Variants in TCP11L1 observed in about 807,000 individuals in gnomAD.
TCP11L1 encodes the protein t-complex 11 like 1, also known as T-complex protein 11-like protein 1.
Under a neutral mutation model 48.9 loss-of-function variants are expected in TCP11L1, and 28 were observed. The ratio of observed to expected loss-of-function variants is 0.57; its 90% CI spans 0.42 to 0.78. The LOEUF (loss-of-function observed/expected upper bound fraction) is 0.78. Among genes scored for constraint, TCP11L1 ranks in the 30% least tolerant of loss-of-function variants. The pLI, the probability that TCP11L1 is intolerant of heterozygous loss-of-function variation, is 0.00. For synonymous variants in TCP11L1, 204 were observed against 231.9 expected (o/e 0.88, Z 1.09); for missense variants, 505 against 613.4 (o/e 0.82, Z 1.87).
At chr11:33,060,278 T>C (rs1372985570) in intron 6 of TCP11L1, among the ~76,000 whole-genome samples, 1 of 152,074 alleles carries the variant, frequency 6.6e-6, no homozygotes, top group Non-Finnish European at 1.5e-5. Flanking sequence ...GACTCACTGG[T>C]AGGGTGGAAG....
At chr11:33,064,756 A>G (rs543766293) in intron 7 of TCP11L1, among the ~76,000 whole-genome samples, 4 of 152,338 alleles carry the variant, frequency 2.6e-5, no homozygotes, top group South Asian at 2.1e-4. Flanking sequence ...CCTGCAAGGC[A>G]GTCCTCCCTT....
chr11:33,057,348 T>G, intron 4 of TCP11L1, 113 bp downstream of exon 4: 1 of 1,527,158 alleles, frequency 6.5e-7, no homozygotes, highest in Non-Finnish European at 8.9e-7. Flanking sequence ...GAAGTTAAAG[T>G]ACTTGCCAGA....
chr11:33,064,864 T>C (rs1590239261), intron 7 of TCP11L1, among the ~76,000 whole-genome samples: 1 of 152,216 alleles, frequency 6.6e-6, no homozygotes, highest in South Asian at 2.1e-4. Flanking sequence ...ATAATCGTAG[T>C]GCACTGCAGC....
chr11:33,058,206 CTT>C, intron 5 of TCP11L1, 67 bp downstream of exon 5: 5 of 1,253,718 alleles, frequency 4.0e-6, no homozygotes, highest in African/African-American at 1.6e-5. Context: ...TTTTTCTTTT[CTT>C]TTTTTTTTGA....
intron 3 of TCP11L1, 109 bp from the exon 4 acceptor site, chr11:33,057,006 C>T: frequency 6.9e-7 from 1 of 1,445,728 alleles, no homozygotes; most frequent in Non-Finnish European, 9.4e-7. Flanking sequence ...TGGTCCAAAT[C>T]ACTGGGATTG....
Position 33,057,922 on chromosome 11 carries a change from CTCTTA to C in TCP11L1, c.426_430del (p.Leu142PhefsTer8), listed in dbSNP as rs1854356397. 6 of 1,612,838 alleles carry C rather than the reference CTCTTA, an allele frequency of 3.7e-6. No homozygotes were observed. The highest frequency in any genetic ancestry group is 5.1e-6 in the Non-Finnish European group (6 of 1,179,742). On this transcript the variant is annotated frameshift_variant, in exon 5 of 10. Transcript: ENST00000334274. LOFTEE classifies it high-confidence loss of function. ...ACGTAGCTGTGTTCTCTTGTAGACT[CTCTTA>C]TCTTTCTTGCTGCCTGGTCATACTA...
Position 33,068,680 on chromosome 11 carries a change from G to A in TCP11L1, c.1155-7G>A. The A allele has an allele frequency of 1.9e-6, 3 of 1,613,312 alleles. No homozygotes were observed. The highest frequency in any genetic ancestry group is 2.5e-6 in the Non-Finnish European group (3 of 1,179,426). On this transcript the variant is annotated splice_region_variant and splice_polypyrimidine_tract_variant and intron_variant, in intron 8 of 9. Transcript: ENST00000334274. ...TTATAGGCCCTTTCTCCCCTCCTCT[G>A]CCCCAGCTCCTTCCATCTGAAGGAC...
chr11:33,067,658 C>T (rs1854655278), intron 8 of TCP11L1, among the ~76,000 whole-genome samples: 1 of 152,186 alleles, frequency 6.6e-6, no homozygotes, highest in Admixed American at 6.5e-5. Context: ...CCATATCCTC[C>T]CTGGTCCTCC....
At chr11:33,065,075 T>G (rs1256559950) in intron 7 of TCP11L1, among the ~76,000 whole-genome samples, 1 of 152,066 alleles carries the variant, frequency 6.6e-6, no homozygotes, top group African/African-American at 2.4e-5. Flanking sequence ...CTGGGAGGAG[T>G]TGGTGACCCT....
chr11:33,058,167 T>C, intron 5 of TCP11L1, 28 bp downstream of exon 5: 1 of 1,564,858 alleles, frequency 6.4e-7, no homozygotes, highest in Non-Finnish European at 8.6e-7. Context: ...TCATACTCCG[T>C]GCAACTACAA....
Position 33,043,832 on chromosome 11 carries a change from A to T in TCP11L1, c.59A>T (p.Asp20Val), listed in dbSNP as rs1358175153. ...VNEAGKSKSN[D>V]SEEGLEDAVE... is the part of the protein sequence containing the mutation. ...GAAGCAGGAAAATCAAAATCCAATGATTCTGAGGAAGGCCTCGAAGATGCT... is the reference window on the plus strand; with the variant it reads ...GAAGCAGGAAAATCAAAATCCAATGTTTCTGAGGAAGGCCTCGAAGATGCT... The change falls in exon 2 of 10, where the codon GAT becomes GTT. Residue 20 changes from aspartate (D) to valine (V), a missense_variant. Asp to Val is a radical substitution (Grantham distance 152). Around this residue, in one of 3 missense-constraint regions of TCP11L1, gnomAD observed 168 missense variants for 183.5 expected, o/e 0.92. Transcript: ENST00000334274. 1.2e-6 allele frequency: 2 copies of T among 1,613,948 alleles called. No individual in the cohort carries two copies.
chr11:33,045,352 CAA>C (rs59665470), intron 2 of TCP11L1, among the ~76,000 whole-genome samples: 40 of 115,834 alleles, frequency 3.5e-4, no homozygotes, highest in Admixed American at 2.8e-4. Flanking sequence ...GACCCTGTCT[CAA>C]AAAAAAAAAA....
rs1323794018 is a variant in TCP11L1, at chr11:33,057,169, T to G, written c.351T>G (p.Ser117Arg). The change falls in exon 4 of 10, where the codon AGT (serine) becomes AGG (arginine). Residue 117 changes from serine (S) to arginine (R), a missense_variant. By Grantham distance (110) the Ser-to-Arg change is moderately radical. Transcript: ENST00000334274. ...IVHKAFWDCL[S>R]VQLSEDPPAY... Reference sequence around the variant, plus strand: ...ATAAAGCGTTTTGGGATTGCTTGAGTGTGCAGCTAAGTGAAGATCCCCCAG... The same window carrying G: ...ATAAAGCGTTTTGGGATTGCTTGAGGGTGCAGCTAAGTGAAGATCCCCCAG... 1.9e-6 allele frequency: 3 copies of G among 1,613,866 alleles called. No homozygotes were observed. Among genetic ancestry groups the G allele is most frequent in the Non-Finnish European group, 2.5e-6 (3 of 1,180,006 alleles).
intron 2 of TCP11L1, among the ~76,000 whole-genome samples, chr11:33,052,424 A>G (rs988910897): frequency 1.3e-5 from 2 of 151,942 alleles, no homozygotes; most frequent in African/African-American, 4.8e-5. Flanking sequence ...TGACCAAATA[A>G]AGTTTTTTAC....
At chr11:33,070,103 C>T (rs1854734463) in intron 9 of TCP11L1, among the ~76,000 whole-genome samples, 1 of 151,834 alleles carries the variant, frequency 6.6e-6, no homozygotes, top group East Asian at 1.9e-4. Context: ...TAGTGAGACC[C>T]CATCTCTACA....
intron 6 of TCP11L1, 61 bp downstream of exon 6, chr11:33,059,156 T>C (rs1327924315): frequency 6.3e-7 from 1 of 1,585,832 alleles, no homozygotes; most frequent in Non-Finnish European, 8.6e-7. Flanking sequence ...TTAGCTGCCA[T>C]AGCTTGTTGC....
Position 33,072,867 on chromosome 11 carries a change from T to G in TCP11L1, c.*191T>G. On this transcript the variant is annotated 3_prime_UTR_variant, in exon 10 of 10. Transcript: ENST00000334274. ...TCCACTGAATTCTATTTTGAGAGAT[T>G]GTATTTATGAGTGCAAGTTTACAAA... 2 of 659,466 alleles carry G rather than the reference T, an allele frequency of 3.0e-6. No homozygotes were observed. The highest frequency in any genetic ancestry group is 5.1e-6 in the Non-Finnish European group (2 of 392,706). The allele number at this position is 659,466 out of a possible 1,614,324, so 40.9% of individuals were successfully genotyped here. A position where few individuals can be genotyped will look rare whatever the true frequency, so the allele number is the denominator to read the frequency against.
chr11:33,055,831 T>G (rs944830323), intron 3 of TCP11L1, among the ~76,000 whole-genome samples: 1 of 152,206 alleles, frequency 6.6e-6, no homozygotes, highest in African/African-American at 2.4e-5. Context: ...TTGTTGTTGT[T>G]TTTTGAGATG....
Position 33,065,926 on chromosome 11 carries a change from GC to G in TCP11L1, c.1070del (p.Ala357GlufsTer17). 2 of 1,614,218 alleles carry G rather than the reference GC, an allele frequency of 1.2e-6. No individual in the cohort carries two copies. Among genetic ancestry groups the G allele is most frequent in the Non-Finnish European group, 1.7e-6 (2 of 1,180,020 alleles). Reference protein sequence around the residue: ...GAVLLVTFSMAAPGISSQADF... With the variant: ...GAVLLVTFSMXAPGISSQADF... Reference sequence around the variant, plus strand: ...TGTGTTGCTGGTCACCTTCAGCATGGCAGCGCCAGGAATTTCCAGCCAGGCC... The same window carrying G: ...TGTGTTGCTGGTCACCTTCAGCATGGAGCGCCAGGAATTTCCAGCCAGGCC... On this transcript the variant is annotated frameshift_variant, in exon 8 of 10. Coordinates refer to ENST00000334274, the MANE Select transcript of TCP11L1 (RefSeq NM_018393.4). LOFTEE classifies it high-confidence loss of function.
Sources: allele counts gnomAD v4.1 joint callset (sites outside exome capture counted in the v4.1 genomes callset), GRCh38; gene constraint gnomAD v4.1.1; regional missense constraint gnomAD v4.1.1; transcripts MANE v1.5; gene names NCBI Gene and HGNC (gene_info 2026-07-23, HGNC 2026-07-21).